The following METAP1D variants were observed in gnomAD, a reference collection of about 807,000 sequenced individuals.
METAP1D encodes methionyl aminopeptidase type 1D, mitochondrial, also known as methionine aminopeptidase 1D, mitochondrial.
A neutral mutation model predicts 40.5 loss-of-function variants in METAP1D; 31 were observed. The observed-to-expected ratio is 0.77, with a 90% CI of 0.58 to 1.03. The LOEUF is 1.03. METAP1D is among the 50% of genes least tolerant of loss of function. The pLI is 0.00. For synonymous variants in METAP1D, 151 were observed against 146.4 expected, an observed-to-expected ratio of 1.03 and a Z score of -0.22; for missense variants, 411 against 420.7, an observed-to-expected ratio of 0.98 and a Z score of 0.20.
rs782267064 is a variant in METAP1D at position 172,040,746 on chromosome 2, CT to C, written c.41-20734del. 1.0e-2 allele frequency among the ~76,000 whole-genome samples: 1,170 copies of C among 117,196 alleles called. 11 individuals are homozygous for C. The highest frequency in any genetic ancestry group is 0.018 in the African/African-American group (554 of 30,474). The allele number at this position is 117,196 out of a possible 152,430, so 76.9% of individuals were successfully genotyped here. ...ATTTGCTTTGATACATTCAGGCCCT[CT>C]TTTTTTTTTTTTTTTTTGAGATGGA... On this transcript the variant is annotated intron_variant, in intron 1 of 9. Transcript: ENST00000315796.
At chr2:172,049,798 T>C (rs1242728012) in intron 1 of METAP1D, among the ~76,000 whole-genome samples, 1 of 152,192 alleles carries the variant, frequency 6.6e-6, no homozygotes, top group Non-Finnish European at 1.5e-5. Context: ...CTTGGAAATA[T>C]ATTGTTTTCC....
intron 1 of METAP1D, among the ~76,000 whole-genome samples, chr2:172,041,727 TATATATATATATATATATATA>T (rs1265115672): frequency 2.4e-3 from 7 of 2,940 alleles, no homozygotes; most frequent in Non-Finnish European, 4.4e-3. Flanking sequence ...CTAATTATTT[TATATATATATATATATATATA>T]TATATATATA....
intron 1 of METAP1D, among the ~76,000 whole-genome samples, chr2:172,022,556 G>A (rs1350201747): frequency 4.6e-5 from 7 of 152,204 alleles, no homozygotes; most frequent in African/African-American, 1.7e-4. Context: ...AATATTTTTA[G>A]TAATCTTACT....
intron 1 of METAP1D, among the ~76,000 whole-genome samples, chr2:172,052,748 G>A (rs1415532357): frequency 6.6e-6 from 1 of 152,182 alleles, no homozygotes; most frequent in East Asian, 1.9e-4. Flanking sequence ...AGATTATAGA[G>A]CTGTATTAAT....
chr2:172,031,906 C>T (rs769387126), intron 1 of METAP1D, among the ~76,000 whole-genome samples: 1 of 152,170 alleles, frequency 6.6e-6, no homozygotes, highest in South Asian at 2.1e-4. Flanking sequence ...GCCATTTGGT[C>T]GGCCTGATGG....
At chr2:172,024,424 T>G (rs1689077236) in intron 1 of METAP1D, among the ~76,000 whole-genome samples, 1 of 152,092 alleles carries the variant, frequency 6.6e-6, no homozygotes, top group South Asian at 2.1e-4. Context: ...TTACCAAGCA[T>G]GGAGGCCCAG....
chr2:172,045,817 G>GTATATA (rs1215869065), intron 1 of METAP1D, among the ~76,000 whole-genome samples: 42 of 16,332 alleles, frequency 2.6e-3, no homozygotes, highest in Middle Eastern at 0.038. Flanking sequence ...GTGTGTGTGT[G>GTATATA]TGTATATATA....
At chr2:172,069,369 T>C (rs1690368430) in intron 5 of METAP1D, among the ~76,000 whole-genome samples, 1 of 152,242 alleles carries the variant, frequency 6.6e-6, no homozygotes, top group Admixed American at 6.5e-5. Context: ...TCTTGTATTT[T>C]GAATGAAATC....
At chr2:172,074,165 A>T (rs1315925056) in intron 6 of METAP1D, among the ~76,000 whole-genome samples, 1 of 152,056 alleles carries the variant, frequency 6.6e-6, no homozygotes, top group Non-Finnish European at 1.5e-5. Context: ...ATCTGTACAT[A>T]TGAGTATATT....
chr2:172,047,437 TTC>T (rs1689785746), intron 1 of METAP1D, among the ~76,000 whole-genome samples: 1 of 137,416 alleles, frequency 7.3e-6, no homozygotes, highest in African/African-American at 2.5e-5. Context: ...AAAGGCTGAA[TTC>T]TTTTTTTTTT....
At chr2:172,079,408 A>G (rs1159298152) in intron 8 of METAP1D, 146 bp downstream of exon 8, 1 of 754,206 alleles carries the variant, frequency 1.3e-6, no homozygotes. Flanking sequence ...TGATTAAATA[A>G]TATCCTCAAG....
Position 172,030,077 on chromosome 2 carries a change from AT to A in METAP1D, c.40+30072del, listed in dbSNP as rs781034763. On this transcript the variant is annotated intron_variant, in intron 1 of 9. Coordinates refer to ENST00000315796, the MANE Select transcript of METAP1D (RefSeq NM_199227.3). ...GGCCTTTAAGCCTACATTTTATTTT[AT>A]TTTATTTATTTATTTATTTATTTTT... Among the ~76,000 whole-genome samples the A allele has an allele frequency of 2.2e-4, 28 of 128,880 alleles. No individual in the cohort carries two copies. The East Asian group carries it at 0.014, about 63-fold the overall frequency. The allele number at this position is 128,880 out of a possible 152,430, so 84.6% of individuals were successfully genotyped here.
intron 1 of METAP1D, among the ~76,000 whole-genome samples, chr2:172,030,054 C>T (rs1309898446): frequency 6.7e-6 from 1 of 150,340 alleles, no homozygotes; most frequent in Non-Finnish European, 1.5e-5. Flanking sequence ...CTGCACCCGG[C>T]CTTTAAGCCT....
At position 172,061,573 on chromosome 2, in the gene METAP1D, A is replaced by G; in HGVS notation, c.116A>G (p.Asn39Ser). 1.2e-6 allele frequency: 2 copies of G among 1,613,920 alleles called. No homozygotes were observed. Among genetic ancestry groups the G allele is most frequent in the Non-Finnish European group, 1.7e-6 (2 of 1,179,888 alleles). The stretch of plus-strand genomic sequence containing the variant: ...CAGTCAAGCAGTCAACAAAGAAGAA[A>G]TTTCTTTTTTCGGAGACAAAGAGAT... ...HKQSSSQQRR[N>S]FFFRRQRDIS... The change falls in exon 2 of 10, where the codon AAT (asparagine) becomes AGT (serine). Residue 39 changes from asparagine to serine, a missense_variant. By Grantham distance (46) the Asn-to-Ser change is conservative. Transcript: ENST00000315796.
chr2:172,007,113 GT>G (rs11385242), intron 1 of METAP1D, among the ~76,000 whole-genome samples: 31,221 of 136,626 alleles, frequency 0.23, 4,350 homozygotes, highest in African/African-American at 0.42. Context: ...GTTGACTGCT[GT>G]TTTTTTTTTT....
At chr2:172,076,250 C>G (rs1434968697) in intron 6 of METAP1D, among the ~76,000 whole-genome samples, 6 of 148,780 alleles carry the variant, frequency 4.0e-5, no homozygotes, top group African/African-American at 1.5e-4. Flanking sequence ...ATTGAGTGTT[C>G]TTAGAATCAT....
chr2:172,036,721 G>A (rs553418304), intron 1 of METAP1D, among the ~76,000 whole-genome samples: 1 of 152,022 alleles, frequency 6.6e-6, no homozygotes, highest in Non-Finnish European at 1.5e-5. Flanking sequence ...ATGCACTTCT[G>A]TATGCATTTC....
intron 1 of METAP1D, among the ~76,000 whole-genome samples, chr2:172,004,302 T>A (rs1420576858): frequency 2.0e-5 from 3 of 151,908 alleles, no homozygotes; most frequent in African/African-American, 7.3e-5. Flanking sequence ...AAATGTCTGC[T>A]CAGTTTTGCC....
intron 1 of METAP1D, among the ~76,000 whole-genome samples, chr2:172,021,011 T>G (rs115227562): frequency 0.018 from 2,765 of 152,104 alleles, 54 homozygotes; most frequent in Admixed American, 0.068. Flanking sequence ...GTTTATATAA[T>G]TTTTTTTACT....
Sources: gnomAD v4.1 joint callset for allele counts (sites outside exome capture counted in the v4.1 genomes callset) on GRCh38, gnomAD v4.1.1 for gene constraint, MANE v1.5 for transcripts, NCBI Gene and HGNC (gene_info 2026-07-23, HGNC 2026-07-21) for gene names.